Variants in OSBPL10 observed in about 807,000 individuals in gnomAD.
The protein encoded by OSBPL10 is oxysterol binding protein like 10, also known as oxysterol-binding protein-related protein 10.
In OSBPL10, 49 loss-of-function variants were observed where a neutral mutation model predicts 81.7. That is an observed-to-expected ratio of 0.60 (90% confidence interval 0.48 to 0.76). OSBPL10 has a LOEUF of 0.76. OSBPL10 is among the 30% of genes least tolerant of loss of function. The pLI is 0.00. For synonymous variants in OSBPL10, 419 were observed against 383.6 expected (o/e 1.09, Z -1.08); for missense variants, 923 against 987.8 (o/e 0.93, Z 0.88).
intron 2 of OSBPL10, among the ~76,000 whole-genome samples, chr3:32,042,478 C>T (rs953311133): frequency 5.9e-5 from 9 of 152,122 alleles, no homozygotes; most frequent in Non-Finnish European, 1.0e-4. Flanking sequence ...TGAAACCCAC[C>T]TTCAGTTCCA....
chr3:32,066,772 A>T (rs1699784085), intron 1 of OSBPL10, among the ~76,000 whole-genome samples: 1 of 152,190 alleles, frequency 6.6e-6, no homozygotes, highest in Non-Finnish European at 1.5e-5. Context: ...CGTCACCCAC[A>T]ATGAAAGGCC....
In OSBPL10 at chr3:31,937,702, TC is replaced by T. The variant is rs1479766112; in HGVS notation, c.281+43196del. Among the ~76,000 whole-genome samples, 10 of 101,552 alleles carry T rather than the reference TC, an allele frequency of 9.8e-5. No homozygotes were observed. The Admixed American group carries it at 1.0e-3, about 10-fold the overall frequency. 66.6% of individuals were successfully genotyped at this position (101,552 alleles called of 152,430 possible). Reference sequence around the variant, plus strand: ...GTACTGAACCTCTTGGGACCACCCTTCCCCCAACCTCTCTTCTTATCTTGGT... The same window carrying T: ...GTACTGAACCTCTTGGGACCACCCTTCCCCAACCTCTCTTCTTATCTTGGT... On this transcript the variant is annotated intron_variant, in intron 1 of 11. Transcript: ENST00000396556.
At chr3:31,733,711 T>C (rs907836615) in intron 5 of OSBPL10, among the ~76,000 whole-genome samples, 7 of 78,206 alleles carry the variant, frequency 9.0e-5, no homozygotes, top group Non-Finnish European at 1.5e-4. Context: ...TTTTTTTTTT[T>C]GAACTTTTAA....
In OSBPL10 at chr3:31,960,937, C is replaced by T. The variant is rs939271544; in HGVS notation, c.281+19962G>A. On this transcript the variant is annotated intron_variant, in intron 1 of 11. Coordinates refer to ENST00000396556, the MANE Select transcript of OSBPL10 (RefSeq NM_017784.5). ...AAACCTGACCTACAAAGGGTTAAAA[C>T]CAAACTGCTTGAACCTCAAAGCTGC... Among the ~76,000 whole-genome samples, 134 of 152,100 alleles carry T rather than the reference C, an allele frequency of 8.8e-4. 2 individuals are homozygous for T. Among genetic ancestry groups the T allele is most frequent in the African/African-American group, 3.1e-3 (130 of 41,480 alleles).
Position 31,761,813 on chromosome 3 carries a change from T to TAAAAAAAAAA in OSBPL10, c.730-13703_730-13694dup, listed in dbSNP as rs34579457. Among the ~76,000 whole-genome samples the TAAAAAAAAAA allele has an allele frequency of 8.6e-4, 92 of 107,490 alleles. 4 individuals are homozygous for TAAAAAAAAAA. The highest frequency in any genetic ancestry group is 5.4e-3 in the African/African-American group (84 of 15,670). 70.5% of individuals were successfully genotyped at this position (107,490 alleles called of 152,430 possible). A position where few individuals can be genotyped will look rare whatever the true frequency, so the allele number is the denominator to read the frequency against. On this transcript the variant is annotated intron_variant, in intron 4 of 11. Coordinates refer to ENST00000396556, the MANE Select transcript of OSBPL10 (RefSeq NM_017784.5). The stretch of plus-strand genomic sequence containing the variant: ...CTGGGCAACAGAGCAAGACTGTCTC[T>TAAAAAAAAAA]AAAAAAAAAAAAAAAAAACCCTAAA...
chr3:31,939,397 C>T (rs1443368173), intron 1 of OSBPL10, among the ~76,000 whole-genome samples: 5 of 151,710 alleles, frequency 3.3e-5, no homozygotes, highest in Admixed American at 2.0e-4. Context: ...CCCGCCCTAG[C>T]TTCCCAAAGT....
At chr3:32,026,092 T>TAGAGA (rs1553649758) in intron 2 of OSBPL10, among the ~76,000 whole-genome samples, 1 of 137,730 alleles carries the variant, frequency 7.3e-6, no homozygotes, top group African/African-American at 2.7e-5. Flanking sequence ...GATAGATAGA[T>TAGAGA]GATAGATAGA....
At chr3:31,988,997 C>T (rs539995520) in intron 2 of OSBPL10, 257 of 1,540,656 alleles carry the variant, frequency 1.7e-4, no homozygotes, top group Non-Finnish European at 2.2e-4. Flanking sequence ...ATTTGTTTCT[C>T]GGAAACAGAT....
intron 10 of OSBPL10, chr3:31,664,496 T>A (rs557818499): frequency 1.8e-6 from 1 of 564,136 alleles, no homozygotes; most frequent in African/African-American, 1.9e-5. Flanking sequence ...TCAAATCTAA[T>A]AGTAGTAGTT....
chr3:31,925,443 A>T (rs1697045148), intron 1 of OSBPL10, among the ~76,000 whole-genome samples: 1 of 152,034 alleles, frequency 6.6e-6, no homozygotes, highest in South Asian at 2.1e-4. Flanking sequence ...TTGACTCCCC[A>T]GGACTACCAG....
chr3:31,939,420 G>A (rs1240611865), intron 1 of OSBPL10, among the ~76,000 whole-genome samples: 42 of 151,266 alleles, frequency 2.8e-4, no homozygotes, highest in Non-Finnish European at 1.5e-5. Flanking sequence ...TGGGATTACA[G>A]GCATGAGTCA....
intron 6 of OSBPL10, among the ~76,000 whole-genome samples, chr3:31,709,937 C>T (rs1696197781): frequency 6.6e-6 from 1 of 152,218 alleles, no homozygotes; most frequent in Admixed American, 6.5e-5. Context: ...CTCTGAAAGA[C>T]ACCCTGAAAG....
intron 4 of OSBPL10, among the ~76,000 whole-genome samples, chr3:31,760,214 G>A (rs375348300): frequency 6.6e-6 from 1 of 152,328 alleles, no homozygotes; most frequent in East Asian, 1.9e-4. Context: ...CTGTCTCAGG[G>A]TGGCAGAGAC....
chr3:31,982,495 A>G (rs762832464), upstream of OSBPL10, among the ~76,000 whole-genome samples: 18 of 152,190 alleles, frequency 1.2e-4, no homozygotes, highest in Non-Finnish European at 2.1e-4. Context: ...TCTCAAAGGG[A>G]CAGTTCCCCG....
chr3:31,775,791 C>G (rs991825951), intron 4 of OSBPL10, among the ~76,000 whole-genome samples: 2 of 152,094 alleles, frequency 1.3e-5, no homozygotes, highest in Admixed American at 6.6e-5. Flanking sequence ...GCCACTTACT[C>G]CATTTCCAGG....
chr3:31,967,044 T>C (rs931955789), intron 1 of OSBPL10, among the ~76,000 whole-genome samples: 1 of 152,046 alleles, frequency 6.6e-6, no homozygotes, highest in African/African-American at 2.4e-5. Context: ...AAACACATTT[T>C]ACTACACAAA....
intron 3 of OSBPL10, among the ~76,000 whole-genome samples, chr3:31,835,530 T>A (rs1300242463): frequency 6.6e-6 from 1 of 152,102 alleles, no homozygotes; most frequent in Non-Finnish European, 1.5e-5. Context: ...ATGTGAAAAA[T>A]TTCTGAGCGT....
intron 5 of OSBPL10, among the ~76,000 whole-genome samples, chr3:31,744,536 T>TTAAAAAAAAAAA (rs1309388097): frequency 6.3e-5 from 1 of 15,756 alleles, no homozygotes; most frequent in Non-Finnish European, 1.5e-4. Flanking sequence ...AGACTCCGTC[T>TTAAAAAAAAAAA]CAAAAAAAAA....
chr3:31,857,888 G>A (rs755099355), intron 3 of OSBPL10, among the ~76,000 whole-genome samples: 55 of 148,034 alleles, frequency 3.7e-4, no homozygotes, highest in Non-Finnish European at 6.9e-4. Flanking sequence ...GGGGGGGAGA[G>A]AGAGAGAAAG....
Sources: allele counts gnomAD v4.1 joint callset (sites outside exome capture counted in the v4.1 genomes callset), GRCh38; gene constraint gnomAD v4.1.1; transcripts MANE v1.5; gene names NCBI Gene and HGNC (gene_info 2026-07-23, HGNC 2026-07-21).